SMIM22: variants seen among roughly 807,000 people sequenced by gnomAD.
SMIM22 encodes small integral membrane protein 22, also known as cancer associated small integral membrane open reading frame 1.
A neutral mutation model predicts 8.4 loss-of-function variants in SMIM22; 16 were observed. That is an observed-to-expected ratio of 1.90 (90% CI 1.29 to 2.89). The LOEUF is 2.89. Among genes scored for constraint, SMIM22 ranks in the 30% most tolerant of loss-of-function variants. SMIM22 has a pLI of 0.00. For missense variants in SMIM22, 159 were observed against 107.5 expected, an observed-to-expected ratio of 1.48 and a Z score of -2.12; for synonymous variants, 67 against 47.6, an observed-to-expected ratio of 1.41 and a Z score of -1.68.
chr16:4,794,094 G>C (rs1567587313), upstream of SMIM22, among the ~76,000 whole-genome samples: 1 of 150,214 alleles, frequency 6.7e-6, no homozygotes, highest in East Asian at 2.0e-4. Context: ...CGCCACCACA[G>C]CGGGGTAATT....
chr16:4,789,213 C>T (rs750187522), intron 2 of SMIM22, among the ~76,000 whole-genome samples: 1 of 152,166 alleles, frequency 6.6e-6, no homozygotes, highest in Non-Finnish European at 1.5e-5. Context: ...GGTTTCACCA[C>T]ATTGGTCAGG....
In SMIM22 at chr16:4,795,772, A is replaced by G. The variant is rs1415439666; in HGVS notation, c.38A>G (p.Gln13Arg). The G allele has an allele frequency of 6.5e-7, 1 of 1,535,962 alleles. No individual in the cohort carries two copies. The highest frequency in any genetic ancestry group is 8.7e-7 in the Non-Finnish European group (1 of 1,146,798). ...VSTEELEATV[Q>R]EVLGRLKSHQ... Reference sequence around the variant, plus strand: ...ACAGAGGAGCTGGAGGCCACGGTTCAGGAAGTCCTGGGGAGACTGAAGAGC... The same window carrying G: ...ACAGAGGAGCTGGAGGCCACGGTTCGGGAAGTCCTGGGGAGACTGAAGAGC... Residue 13 changes from glutamine (Q) to arginine (R), a missense_variant, in exon 2 of 4, where the codon CAG becomes CGG. Physicochemically the swap from Gln to Arg is conservative, Grantham distance 43. Coordinates refer to ENST00000586005, the MANE Select transcript of SMIM22 (RefSeq NM_001253794.2).
At chr16:4,789,306 C>CT (rs980508622) in intron 2 of SMIM22, among the ~76,000 whole-genome samples, 1 of 150,850 alleles carries the variant, frequency 6.6e-6, no homozygotes, top group Non-Finnish European at 1.5e-5. Context: ...CATGCCTGGC[C>CT]TTTTTTTTTC....
At chr16:4,792,401 A>T (rs945167169), upstream of SMIM22, among the ~76,000 whole-genome samples, 6 of 149,212 alleles carry the variant, frequency 4.0e-5, no homozygotes, top group African/African-American at 1.5e-4. Flanking sequence ...CGTGTTAGCC[A>T]GGATGGTCTC....
chr16:4,795,095 C>A (rs1030883360), upstream of SMIM22: 2 of 152,014 alleles, frequency 1.3e-5, no homozygotes, highest in African/African-American at 4.9e-5. Flanking sequence ...TCTCCCCCTT[C>A]CCCCTCCCTC....
chr16:4,789,772 C>T (rs2082521786), intron 2 of SMIM22, among the ~76,000 whole-genome samples: 1 of 152,134 alleles, frequency 6.6e-6, no homozygotes, highest in African/African-American at 2.4e-5. Context: ...TAAGCTGTTT[C>T]TTATACCAAG....
chr16:4,792,750 C>T (rs947162244), upstream of SMIM22, among the ~76,000 whole-genome samples: 8 of 148,568 alleles, frequency 5.4e-5, no homozygotes, highest in South Asian at 8.6e-4. Context: ...TGCAGTGAGC[C>T]GACATCGTGC....
At chr16:4,793,318 G>A (rs1296279748), upstream of SMIM22, among the ~76,000 whole-genome samples, 1 of 152,140 alleles carries the variant, frequency 6.6e-6, no homozygotes, top group Non-Finnish European at 1.5e-5. Flanking sequence ...CTGACCTTCA[G>A]AACCATAGGG....
At chr16:4,794,025 T>G (rs967604640), upstream of SMIM22, among the ~76,000 whole-genome samples, 3 of 152,244 alleles carry the variant, frequency 2.0e-5, no homozygotes, top group Non-Finnish European at 4.4e-5. Context: ...AGGCTCCGCC[T>G]CCTGGGTTCA....
At chr16:4,795,476 G>A in intron 1 of SMIM22, 27 bp downstream of exon 1, 2 of 523,848 alleles carry the variant, frequency 3.8e-6, no homozygotes, top group South Asian at 2.2e-5. Flanking sequence ...GGGCTGGGCT[G>A]CCAGGGGGAG....
upstream of SMIM22, among the ~76,000 whole-genome samples, chr16:4,794,038 C>T (rs1253869351): frequency 6.6e-5 from 10 of 152,252 alleles, no homozygotes; most frequent in Admixed American, 5.2e-4. Context: ...TGGGTTCAAG[C>T]GATTCTCCTG....
chr16:4,793,441 C>T (rs144503487), upstream of SMIM22, among the ~76,000 whole-genome samples: 6 of 152,278 alleles, frequency 3.9e-5, no homozygotes, highest in African/African-American at 7.2e-5. Flanking sequence ...TCTAGGCCTC[C>T]GTTTCCTCAT....
upstream of SMIM22, among the ~76,000 whole-genome samples, chr16:4,792,891 C>T (rs2082574108): frequency 6.6e-6 from 1 of 151,184 alleles, no homozygotes. Context: ...GGGTGAATCA[C>T]CTGAGGTCAG....
Position 4,796,294 on chromosome 16 carries a change from A to G in SMIM22, c.*63A>G. 1.3e-6 allele frequency: 2 copies of G among 1,518,358 alleles called. No homozygotes were observed. The highest frequency in any genetic ancestry group is 1.8e-6 in the Non-Finnish European group (2 of 1,134,944). 94.1% of individuals were successfully genotyped at this position (1,518,358 alleles called of 1,614,324 possible). A position where few individuals can be genotyped will look rare whatever the true frequency, so the allele number is the denominator to read the frequency against. Reference sequence around the variant, plus strand: ...CTGTCTGCCCAGAGCCTGAGTCTGCAGTGTCTTCCAGTCCCCGTCTGGGTG... The same window carrying G: ...CTGTCTGCCCAGAGCCTGAGTCTGCGGTGTCTTCCAGTCCCCGTCTGGGTG... On this transcript the variant is annotated 3_prime_UTR_variant, in exon 4 of 4. Transcript: ENST00000586005.
chr16:4,794,581 T>C (rs1041300612), upstream of SMIM22, among the ~76,000 whole-genome samples: 23 of 152,082 alleles, frequency 1.5e-4, no homozygotes, highest in Non-Finnish European at 2.6e-4. Context: ...CCACCACGCC[T>C]GGCTAATTTT....
chr16:4,796,049 G>GCC lies in SMIM22; in HGVS notation c.225+1_225+2insCC. 1 of 1,531,350 alleles carries GCC rather than the reference G, an allele frequency of 6.5e-7. No homozygotes were observed. The highest frequency in any genetic ancestry group is 8.7e-7 in the Non-Finnish European group (1 of 1,143,646). 94.9% of individuals were successfully genotyped at this position (1,531,350 alleles called of 1,614,324 possible). ...CCCCAGGAAGGTGAGCCCCTGGAAG[G>GCC]TGAGCCCTGCCGGCCTCTGGGACCT... On this transcript the variant is annotated splice_donor_variant, in intron 3 of 3. Transcript: ENST00000586005. LOFTEE classifies it high-confidence loss of function.
At chr16:4,789,528 G>C (rs1012959907) in intron 2 of SMIM22, among the ~76,000 whole-genome samples, 3 of 151,954 alleles carry the variant, frequency 2.0e-5, no homozygotes, top group Non-Finnish European at 4.4e-5. Flanking sequence ...GGTTTTCCCT[G>C]TGTTAGCCAG....
chr16:4,792,817 A>AG (rs1251105416), upstream of SMIM22, among the ~76,000 whole-genome samples: 6 of 150,792 alleles, frequency 4.0e-5, no homozygotes, highest in Non-Finnish European at 8.9e-5. Flanking sequence ...CAAAAAAAAA[A>AG]AAAAAAAAAA....
intron 2 of SMIM22, among the ~76,000 whole-genome samples, chr16:4,789,357 G>C (rs1315789979): frequency 6.8e-6 from 1 of 147,198 alleles, no homozygotes; most frequent in Non-Finnish European, 1.5e-5. Context: ...ACGGAGTCTC[G>C]CTCTGTCACC....
Sources: gnomAD v4.1 joint callset for allele counts (sites outside exome capture counted in the v4.1 genomes callset) on GRCh38, gnomAD v4.1.1 for gene constraint, MANE v1.5 for transcripts, NCBI Gene and HGNC (gene_info 2026-07-23, HGNC 2026-07-21) for gene names.